RARB: variants seen among roughly 807,000 people sequenced by gnomAD.
RARB encodes retinoic acid receptor beta.
Under a neutral mutation model 51.9 loss-of-function variants are expected in RARB, and 17 were observed. That is an observed-to-expected ratio of 0.33 (90% CI 0.22 to 0.49). The LOEUF is 0.49. Among genes scored for constraint, RARB ranks in the 20% least tolerant of loss-of-function variants. The pLI, the probability that RARB is intolerant of heterozygous loss-of-function variation, is 0.99. For missense variants in RARB, 369 were observed against 550.8 expected, an observed-to-expected ratio of 0.67 and a Z score of 3.30; for synonymous variants, 215 against 195.4, an observed-to-expected ratio of 1.10 and a Z score of -0.84.
chr3:24,893,861 T>C (rs1336909035), intron 2 of RARB, among the ~76,000 whole-genome samples: 1 of 152,146 alleles, frequency 6.6e-6, no homozygotes, highest in Non-Finnish European at 1.5e-5. Flanking sequence ...ATGTGCATTT[T>C]CTAGGAGGAA....
chr3:25,569,999 C>T, intron 4 of RARB, 81 bp downstream of exon 4: 1 of 1,404,242 alleles, frequency 7.1e-7, no homozygotes, highest in Non-Finnish European at 9.7e-7. Flanking sequence ...CACACACACA[C>T]ACACACACAC....
At chr3:25,507,586 G>A (rs560362406) in intron 3 of RARB, among the ~76,000 whole-genome samples, 45 of 152,326 alleles carry the variant, frequency 3.0e-4, no homozygotes, top group East Asian at 9.6e-4. Flanking sequence ...GCTTTTGCCA[G>A]TGAAAAAGGC....
At chr3:25,407,258 G>A (rs1480784817) in intron 5 of RARB, among the ~76,000 whole-genome samples, 1 of 152,160 alleles carries the variant, frequency 6.6e-6, no homozygotes, top group Non-Finnish European at 1.5e-5. Context: ...ACAGACGGGG[G>A]TACTAGGCAG....
chr3:25,467,068 C>A (rs1222021398), intron 2 of RARB, among the ~76,000 whole-genome samples: 1 of 152,194 alleles, frequency 6.6e-6, no homozygotes, highest in East Asian at 1.9e-4. Flanking sequence ...GGCTTAGAAG[C>A]TTTAAGCCAT....
intron 2 of RARB, among the ~76,000 whole-genome samples, chr3:25,041,062 T>C (rs1261408249): frequency 6.6e-6 from 1 of 152,220 alleles, no homozygotes; most frequent in East Asian, 1.9e-4. Context: ...GATTAAAATT[T>C]TATTACACAT....
At chr3:25,530,058 C>G (rs1698833926) in intron 3 of RARB, among the ~76,000 whole-genome samples, 1 of 152,188 alleles carries the variant, frequency 6.6e-6, no homozygotes. Flanking sequence ...ACTATGATTA[C>G]TGTCTCAGCG....
At chr3:25,136,120 T>A (rs796573752) in intron 4 of RARB, among the ~76,000 whole-genome samples, 28 of 151,934 alleles carry the variant, frequency 1.8e-4, no homozygotes, top group African/African-American at 6.5e-4. Context: ...TCCGAAAACC[T>A]CAGAATATAA....
intron 5 of RARB, among the ~76,000 whole-genome samples, chr3:25,378,162 A>G (rs1407537092): frequency 6.6e-6 from 1 of 152,208 alleles, no homozygotes; most frequent in Non-Finnish European, 1.5e-5. Context: ...CAAAATCACC[A>G]CATTGCATTA....
chr3:25,171,900 C>T (rs1012433786), intron 4 of RARB, among the ~76,000 whole-genome samples: 6 of 151,866 alleles, frequency 4.0e-5, no homozygotes, highest in African/African-American at 1.5e-4. Flanking sequence ...TATTGGATAA[C>T]GTATGCTTTT....
intron 3 of RARB, among the ~76,000 whole-genome samples, chr3:25,546,153 A>G (rs114933439): frequency 0.027 from 4,094 of 152,074 alleles, 69 homozygotes; most frequent in Non-Finnish European, 0.04. Context: ...CATTGTGTCT[A>G]CAGGGGAATA....
chr3:25,391,789 A>C (rs903612776), intron 5 of RARB, among the ~76,000 whole-genome samples: 1 of 152,024 alleles, frequency 6.6e-6, no homozygotes, highest in African/African-American at 2.4e-5. Flanking sequence ...TCTGGACATT[A>C]GTCCTTTGTT....
intron 2 of RARB, among the ~76,000 whole-genome samples, chr3:24,944,166 C>G (rs1695726437): frequency 2.6e-5 from 4 of 152,104 alleles, no homozygotes; most frequent in Admixed American, 2.6e-4. Context: ...TGTTTCAAAG[C>G]CCATGGCAGA....
At chr3:25,215,434 C>T (rs1007739775) in intron 5 of RARB, among the ~76,000 whole-genome samples, 12 of 152,120 alleles carry the variant, frequency 7.9e-5, no homozygotes, top group African/African-American at 2.9e-4. Flanking sequence ...GGTCGTCTGA[C>T]ATGTCCATCC....
At chr3:25,531,712 T>A (rs1475452319) in intron 3 of RARB, among the ~76,000 whole-genome samples, 16 of 130,992 alleles carry the variant, frequency 1.2e-4, no homozygotes, top group Admixed American at 6.1e-4. Flanking sequence ...AAGAAAAAGA[T>A]ATAGACACTT....
At chr3:25,429,817 G>A (rs915873923) in intron 1 of RARB, among the ~76,000 whole-genome samples, 4 of 152,214 alleles carry the variant, frequency 2.6e-5, no homozygotes, top group Admixed American at 1.3e-4. Flanking sequence ...CCTGCAGGAT[G>A]CTTCGCCGCC....
intron 3 of RARB, among the ~76,000 whole-genome samples, chr3:25,126,930 A>G (rs1179054785): frequency 1.3e-5 from 2 of 152,114 alleles, no homozygotes; most frequent in Admixed American, 1.3e-4. Flanking sequence ...CACACACTAC[A>G]TTCAATGCAA....
chr3:25,526,860 TA>T (rs1698673507), intron 3 of RARB, among the ~76,000 whole-genome samples: 1 of 152,212 alleles, frequency 6.6e-6, no homozygotes, highest in Non-Finnish European at 1.5e-5. Context: ...ATGATTTTAA[TA>T]ATGGAGTTCT....
chr3:25,483,675 A>G (rs1019921303), intron 2 of RARB, among the ~76,000 whole-genome samples: 2 of 152,148 alleles, frequency 1.3e-5, no homozygotes, highest in Non-Finnish European at 2.9e-5. Flanking sequence ...CCCAGAGATA[A>G]GAGCAAGGGA....
intron 3 of RARB, among the ~76,000 whole-genome samples, chr3:25,558,610 A>G (rs1390172146): frequency 6.7e-6 from 1 of 149,410 alleles, no homozygotes; most frequent in Non-Finnish European, 1.5e-5. Context: ...AGTCATCTCT[A>G]AGGTTTGACT....
Sources: gnomAD v4.1 joint callset for allele counts (sites outside exome capture counted in the v4.1 genomes callset) on GRCh38, gnomAD v4.1.1 for gene constraint, MANE v1.5 for transcripts, NCBI Gene and HGNC (gene_info 2026-07-23, HGNC 2026-07-21) for gene names.